Variants in HERC2 observed in about 807,000 individuals in gnomAD.
The protein encoded by HERC2 is HECT and RLD domain containing E3 ubiquitin protein ligase 2.
Under a neutral mutation model 537.7 loss-of-function variants are expected in HERC2, and 102 were observed. That is an observed-to-expected ratio of 0.19 (90% CI 0.16 to 0.22). The LOEUF (loss-of-function observed/expected upper bound fraction) is 0.22, where lower values mean the gene tolerates loss of function less well. Among genes scored for constraint, HERC2 ranks in the 10% least tolerant of loss-of-function variants. The pLI is 1.00. For synonymous variants in HERC2, 2,224 were observed against 2,466.2 expected, an observed-to-expected ratio of 0.90 and a Z score of 2.91; for missense variants, 4,236 against 6,198.2, an observed-to-expected ratio of 0.68 and a Z score of 10.63.
At chr15:28,303,638 G>A (rs1249328310) in intron 2 of HERC2, among the ~76,000 whole-genome samples, 1 of 152,074 alleles carries the variant, frequency 6.6e-6, no homozygotes, top group African/African-American at 2.4e-5. Context: ...ATTGCTTTGG[G>A]TAGTACAGAC....
intron 35 of HERC2, among the ~76,000 whole-genome samples, chr15:28,224,166 C>CACACAGAGAGAG (rs748053596): frequency 6.8e-6 from 1 of 147,656 alleles, no homozygotes; most frequent in African/African-American, 2.6e-5. Context: ...CACACACACA[C>CACACAGAGAGAG]AGAGAGAGAG....
chr15:28,204,542 C>T (rs1898206791), intron 45 of HERC2, among the ~76,000 whole-genome samples: 1 of 151,454 alleles, frequency 6.6e-6, no homozygotes, highest in Non-Finnish European at 1.5e-5. Flanking sequence ...ATCACTTGAA[C>T]CCAAGAGTCA....
intron 3 of HERC2, among the ~76,000 whole-genome samples, chr15:28,298,249 C>A (rs1169513567): frequency 6.8e-6 from 1 of 147,484 alleles, no homozygotes; most frequent in Non-Finnish European, 1.5e-5. Flanking sequence ...CACCTCCCGG[C>A]TCCAAGCAAT....
rs564771114 is a variant in HERC2 at position 28,122,108 on chromosome 15, C to T, written c.13189-679G>A. Among the ~76,000 whole-genome samples the T allele has an allele frequency of 0.13, 101 of 754 alleles. 6 individuals are homozygous for T. Among genetic ancestry groups the T allele is most frequent in the Non-Finnish European group, 0.088 (30 of 342 alleles). The allele number at this position is 754 out of a possible 152,430, so 0.5% of individuals were successfully genotyped here. Reference sequence around the variant, plus strand: ...TTGGATCGGGACAGAAAAGACAGACCGGGGAGGGGAAACAAGGTCCTGGCT... The same window carrying T: ...TTGGATCGGGACAGAAAAGACAGACTGGGGAGGGGAAACAAGGTCCTGGCT... On this transcript the variant is annotated intron_variant, in intron 85 of 92. Coordinates refer to ENST00000261609, the MANE Select transcript of HERC2 (RefSeq NM_004667.6). This position sits in a 1 kb window ranked among gnomAD's most constrained non-coding sequence, Gnocchi z 4.1.
intron 70 of HERC2, among the ~76,000 whole-genome samples, chr15:28,150,477 A>G (rs1239947175): frequency 8.5e-5 from 13 of 152,058 alleles, no homozygotes; most frequent in Admixed American, 2.6e-4. Context: ...GAAATTACCA[A>G]AAAAACACAC....
chr15:28,311,876 T>TAA (rs1230788291), intron 2 of HERC2, among the ~76,000 whole-genome samples: 1 of 149,234 alleles, frequency 6.7e-6, no homozygotes, highest in African/African-American at 2.5e-5. Context: ...GTACCATTTT[T>TAA]AAAAAAAAAA....
chr15:28,283,084 A>G (rs1281449044), intron 4 of HERC2, among the ~76,000 whole-genome samples: 1 of 150,836 alleles, frequency 6.6e-6, no homozygotes, highest in Non-Finnish European at 1.5e-5. Flanking sequence ...CTATGGGACT[A>G]TAACAACTCC....
intron 19 of HERC2, among the ~76,000 whole-genome samples, chr15:28,255,636 T>A (rs1265748217): frequency 6.6e-6 from 1 of 152,224 alleles, no homozygotes; most frequent in Non-Finnish European, 1.5e-5. Flanking sequence ...ATGGTCTACA[T>A]GAGGAACAGG....
At chr15:28,156,071 G>T (rs1186607553) in intron 69 of HERC2, among the ~76,000 whole-genome samples, 1 of 152,134 alleles carries the variant, frequency 6.6e-6, no homozygotes, top group Non-Finnish European at 1.5e-5. Context: ...TCAGATAGTT[G>T]TAGATGTGTG....
chr15:28,112,150 G>T, intron 92 of HERC2, 115 bp from the exon 93 acceptor site: 5 of 998,430 alleles, frequency 5.0e-6, no homozygotes, highest in South Asian at 4.7e-5. Context: ...GAACAAAACA[G>T]CAGAAAACAT....
At chr15:28,144,577 T>C in intron 72 of HERC2, 96 bp downstream of exon 72, 1 of 1,533,968 alleles carries the variant, frequency 6.5e-7, no homozygotes, top group Non-Finnish European at 8.9e-7. Flanking sequence ...AGGCAGGCTG[T>C]CAGGCACTAC....
intron 83 of HERC2, among the ~76,000 whole-genome samples, chr15:28,125,897 C>T (rs1253366567): frequency 6.6e-6 from 1 of 152,156 alleles, no homozygotes; most frequent in Non-Finnish European, 1.5e-5. Context: ...CCGCAACCTC[C>T]GCCTCCCGGG....
At chr15:28,116,483 C>T (rs1296529679) in intron 88 of HERC2, among the ~76,000 whole-genome samples, 182 bp downstream of exon 88, 1 of 152,146 alleles carries the variant, frequency 6.6e-6, no homozygotes, top group Non-Finnish European at 1.5e-5. Flanking sequence ...TCCCAAAGTG[C>T]TAGGGTTATA....
At chr15:28,126,739 A>C (rs1889533240) in intron 83 of HERC2, among the ~76,000 whole-genome samples, 1 of 152,174 alleles carries the variant, frequency 6.6e-6, no homozygotes, top group South Asian at 2.1e-4. Context: ...TGAGGGATAA[A>C]AGACTACACA....
intron 68 of HERC2, among the ~76,000 whole-genome samples, chr15:28,164,025 G>T (rs545884683): frequency 3.3e-5 from 5 of 152,262 alleles, no homozygotes; most frequent in African/African-American, 1.2e-4. Context: ...GCAGCACTGG[G>T]GCTGAGCTTG....
Position 28,132,216 on chromosome 15 carries a change from T to C in HERC2, c.12454A>G (p.Ser4152Gly). 2 of 1,613,808 alleles carry C rather than the reference T, an allele frequency of 1.2e-6. No individual in the cohort carries two copies. Among genetic ancestry groups the C allele is most frequent in the Non-Finnish European group, 1.7e-6 (2 of 1,179,746 alleles). Reference sequence around the variant, plus strand: ...AGGCAGAGGGTCTGGGCATCTCCACTGCCACAGGCGATGTCAACCACACGG... The same window carrying C: ...AGGCAGAGGGTCTGGGCATCTCCACCGCCACAGGCGATGTCAACCACACGG... Reference protein sequence around the residue: ...GHRVVDIACGSGDAQTLCLTD... With the variant: ...GHRVVDIACGGGDAQTLCLTD... Residue 4152 changes from serine (S) to glycine (G), a missense_variant, in exon 81 of 93, where the codon AGT becomes GGT. Physicochemically the swap from Ser to Gly is moderately conservative, Grantham distance 56. This residue lies in a region of HERC2 where 94 missense variants were observed against 137.4 expected (regional missense o/e 0.68). Transcript: ENST00000261609.
intron 2 of HERC2, among the ~76,000 whole-genome samples, chr15:28,309,000 G>A (rs2076867946): frequency 6.6e-6 from 1 of 152,222 alleles, no homozygotes; most frequent in Non-Finnish European, 1.5e-5. Context: ...TTGGCCTGTA[G>A]TATTCTTTCT....
chr15:28,228,416 A>G lies in HERC2; in HGVS notation c.5273-7T>C. 6.2e-7 allele frequency: 1 copy of G among 1,611,782 alleles called. No homozygotes were observed. On this transcript the variant is annotated splice_region_variant and splice_polypyrimidine_tract_variant and intron_variant, in intron 34 of 92. Transcript: ENST00000261609. ...AGGGGAACCGGCTGGATACCTAATG[A>G]GCATTGGCACCTACTGACATTTCTT...
At chr15:28,160,575 G>A (rs776457525) in intron 69 of HERC2, among the ~76,000 whole-genome samples, 17 of 152,338 alleles carry the variant, frequency 1.1e-4, no homozygotes, top group Non-Finnish European at 2.2e-4. Flanking sequence ...TGCTAAGACC[G>A]TTGGAAAAGC....
Sources: gnomAD v4.1 joint callset for allele counts (sites outside exome capture counted in the v4.1 genomes callset) on GRCh38, gnomAD v4.1.1 for gene constraint, gnomAD v4.1.1 regional missense constraint, Gnocchi (gnomAD v3.1) non-coding constraint, MANE v1.5 for transcripts, NCBI Gene and HGNC (gene_info 2026-07-23, HGNC 2026-07-21) for gene names.